The following POTEC variants were observed in gnomAD, a reference collection of about 807,000 sequenced individuals.
POTEC encodes ANKRD26-like family B member 2.
Under a neutral mutation model 62.0 loss-of-function variants are expected in POTEC, and 35 were observed. The observed-to-expected ratio is 0.56, with a 90% CI of 0.43 to 0.75. The LOEUF is 0.75. Among genes scored for constraint, POTEC ranks in the 30% least tolerant of loss-of-function variants. The probability of loss-of-function intolerance (pLI) is 0.00; values close to 1 mark genes in which losing one functional copy is unlikely to be tolerated. For missense variants in POTEC, 472 were observed against 655.9 expected, an observed-to-expected ratio of 0.72 and a Z score of 3.06; for synonymous variants, 156 against 221.5, an observed-to-expected ratio of 0.70 and a Z score of 2.62.
In POTEC at chr18:14,543,531, G is replaced by C. The variant is rs1379251981; in HGVS notation, c.-385C>G. On this transcript the variant is annotated 5_prime_UTR_variant, in exon 1 of 11. Coordinates refer to ENST00000358970, the MANE Select transcript of POTEC (RefSeq NM_001137671.2). ...GGCAAAGCGACTAACGCCAAGCCAA[G>C]CTAGGAACGCAAGGCCAAGCGAGGA... The C allele has an allele frequency of 2.7e-6, 1 of 374,534 alleles. No individual in the cohort carries two copies. The highest frequency in any genetic ancestry group is 4.9e-6 in the Non-Finnish European group (1 of 204,490). 23.2% of individuals were successfully genotyped at this position (374,534 alleles called of 1,614,324 possible). A position where few individuals can be genotyped will look rare whatever the true frequency, so the allele number is the denominator to read the frequency against.
chr18:14,521,392 G>GC (rs534651553), intron 9 of POTEC, among the ~76,000 whole-genome samples: 243 of 152,230 alleles, frequency 1.6e-3, no homozygotes, highest in African/African-American at 5.6e-3. Flanking sequence ...AACCTCATTT[G>GC]TAAAAAATGG....
Position 14,509,634 on chromosome 18 carries a change from G to C in POTEC, c.*2264C>G, listed in dbSNP as rs560784717. 1.3e-5 allele frequency: 2 copies of C among 151,984 alleles called. No individual in the cohort carries two copies. The highest frequency in any genetic ancestry group is 2.9e-5 in the Non-Finnish European group (2 of 68,048). 9.4% of individuals were successfully genotyped at this position (151,984 alleles called of 1,614,324 possible). On this transcript the variant is annotated 3_prime_UTR_variant, in exon 11 of 11. Transcript: ENST00000358970. ...CTGCAGCTCTCCACTGATCAGGCACGGTCCGCTTGTACAGAAGCTATGGTG... is the reference window on the plus strand; with the variant it reads ...CTGCAGCTCTCCACTGATCAGGCACCGTCCGCTTGTACAGAAGCTATGGTG...
In POTEC at chr18:14,530,527, T is replaced by C; in HGVS notation, c.1082A>G (p.Lys361Arg). The change falls in exon 6 of 11, where the codon AAA (lysine) becomes AGA (arginine). Residue 361 changes from lysine (K) to arginine (R), a missense_variant. Lys to Arg is a conservative substitution (Grantham distance 26, BLOSUM62 2). Around this residue, in one of 5 missense-constraint regions of POTEC, gnomAD observed 83 missense variants for 254.3 expected, o/e 0.33. Coordinates refer to ENST00000358970, the MANE Select transcript of POTEC (RefSeq NM_001137671.2). ...AGAGATTTTTAGCATCTGTTTTTCTTTATAGTCAGAAAGTAATTCACAAAT... is the reference window on the plus strand; with the variant it reads ...AGAGATTTTTAGCATCTGTTTTTCTCTATAGTCAGAAAGTAATTCACAAAT... ...HVICELLSDY[K>R]EKQMLKISSE... The C allele has an allele frequency of 1.9e-6, 3 of 1,595,006 alleles. No individual in the cohort carries two copies. The highest frequency in any genetic ancestry group is 2.6e-6 in the Non-Finnish European group (3 of 1,170,022).
chr18:14,529,153 A>C (rs1168251883), intron 6 of POTEC: 7 of 345,004 alleles, frequency 2.0e-5, no homozygotes, highest in African/African-American at 1.1e-4. Context: ...ATATATAATA[A>C]ATCATTATTA....
At chr18:14,524,161 A>T (rs923472984) in intron 7 of POTEC, among the ~76,000 whole-genome samples, 5 of 152,098 alleles carry the variant, frequency 3.3e-5, no homozygotes, top group South Asian at 2.1e-4. Context: ...AGTGGATAAA[A>T]TTTTTTTAAT....
At chr18:14,532,355 A>G (rs565492522) in intron 5 of POTEC, among the ~76,000 whole-genome samples, 2 of 152,202 alleles carry the variant, frequency 1.3e-5, no homozygotes, top group Admixed American at 6.5e-5. Flanking sequence ...CGGCCAGAGC[A>G]GGGTGCTGGT....
intron 6 of POTEC, among the ~76,000 whole-genome samples, chr18:14,527,122 T>C (rs1230648834): frequency 6.6e-6 from 1 of 152,134 alleles, no homozygotes; most frequent in Non-Finnish European, 1.5e-5. Flanking sequence ...TCACACTGTG[T>C]TTGAGTCAGC....
At chr18:14,534,181 T>G (rs954227225) in intron 4 of POTEC, among the ~76,000 whole-genome samples, 55 of 149,082 alleles carry the variant, frequency 3.7e-4, no homozygotes, top group African/African-American at 1.3e-3. Context: ...GGTGTTTGGT[T>G]TTTTGTTCTT....
chr18:14,520,984 A>G (rs1286580438), intron 9 of POTEC, among the ~76,000 whole-genome samples: 1 of 152,122 alleles, frequency 6.6e-6, no homozygotes, highest in Non-Finnish European at 1.5e-5. Context: ...AAAAATAAAT[A>G]TATATAGTCC....
intron 3 of POTEC, among the ~76,000 whole-genome samples, chr18:14,537,486 A>G (rs45571734): frequency 0.16 from 23,795 of 151,740 alleles, 2,267 homozygotes; most frequent in East Asian, 0.44. Context: ...TCCAGGGCAA[A>G]TTTTGTCATT....
At chr18:14,519,142 G>A (rs976445369) in intron 9 of POTEC, among the ~76,000 whole-genome samples, 2 of 151,978 alleles carry the variant, frequency 1.3e-5, no homozygotes, top group Non-Finnish European at 2.9e-5. Flanking sequence ...TTAGATGTGA[G>A]GTGTCAGAGA....
chr18:14,542,772 G>A lies in POTEC; in HGVS notation c.375C>T (p.Asp125=), dbSNP rs1339174252. The A allele has an allele frequency of 3.9e-5, 63 of 1,613,634 alleles. No individual in the cohort carries two copies. Among genetic ancestry groups the A allele is most frequent in the Non-Finnish European group, 5.1e-5 (60 of 1,179,874 alleles). Residue 125 remains aspartate (D), a synonymous_variant, in exon 1 of 11, where the codon GAC becomes GAT. Transcript: ENST00000358970. ...SNVGAWGDYD[D]SAFMEPRYHV... ...GGTACCTCGGCTCCATGAAGGCGCTGTCGTCGTAGTCTCCCCAAGCGCCCA... is the reference window on the plus strand; with the variant it reads ...GGTACCTCGGCTCCATGAAGGCGCTATCGTCGTAGTCTCCCCAAGCGCCCA...
In POTEC at chr18:14,530,507, T is replaced by G. The variant is rs1424908494; in HGVS notation, c.1102A>C (p.Ile368Leu). Residue 368 changes from isoleucine to leucine, a missense_variant, in exon 6 of 11, where the codon ATC (isoleucine) becomes CTC (leucine). Coordinates refer to ENST00000358970, the MANE Select transcript of POTEC (RefSeq NM_001137671.2). ...CCTGGATTGCTGTTTTCAGAAGAGA[T>G]TTTTAGCATCTGTTTTTCTTTATAG... ...SDYKEKQMLK[I>L]SSENSNPEQD... 1 of 1,595,274 alleles carries G rather than the reference T, an allele frequency of 6.3e-7. No individual in the cohort carries two copies. Among genetic ancestry groups the G allele is most frequent in the Non-Finnish European group, 8.5e-7 (1 of 1,171,200 alleles).
chr18:14,516,384 T>G (rs1196722188), intron 9 of POTEC, among the ~76,000 whole-genome samples: 1 of 106,872 alleles, frequency 9.4e-6, no homozygotes, highest in Non-Finnish European at 1.8e-5. Context: ...GCTTAATTGA[T>G]TCACAGTTAC....
chr18:14,530,363 C>T (rs1159589073), intron 6 of POTEC, 120 bp downstream of exon 6: 2 of 1,441,302 alleles, frequency 1.4e-6, no homozygotes, highest in African/African-American at 2.8e-5. Flanking sequence ...GCTGAATAAT[C>T]CTGAAACCAT....
intron 9 of POTEC, 113 bp from the exon 10 acceptor site, chr18:14,513,898 A>G: frequency 1.3e-6 from 2 of 1,558,114 alleles, no homozygotes; most frequent in Non-Finnish European, 1.7e-6. Flanking sequence ...ACATTAATCC[A>G]AGACAAGACA....
At chr18:14,520,927 A>G (rs1910291577) in intron 9 of POTEC, among the ~76,000 whole-genome samples, 1 of 152,158 alleles carries the variant, frequency 6.6e-6, no homozygotes, top group Non-Finnish European at 1.5e-5. Context: ...GTGAGCTGTG[A>G]TCACACAATT....
rs1244285617 is a variant in POTEC at position 14,537,207 on chromosome 18, ACAC to A, written c.810+591_810+593del. Among the ~76,000 whole-genome samples, 306 of 79,006 alleles carry A rather than the reference ACAC, an allele frequency of 3.9e-3. 7 individuals carry two copies. Among genetic ancestry groups the A allele is most frequent in the African/African-American group, 0.014 (188 of 13,700 alleles). The allele number at this position is 79,006 out of a possible 152,430, so 51.8% of individuals were successfully genotyped here. On this transcript the variant is annotated intron_variant, in intron 3 of 10. Transcript: ENST00000358970. ...CACACACACACACACACACACACAC[ACAC>A]AAAAAAAAAAAAAAACAAAAAAAAA...
chr18:14,516,210 T>C (rs1421186688), intron 9 of POTEC, among the ~76,000 whole-genome samples: 1 of 145,674 alleles, frequency 6.9e-6, no homozygotes, highest in Non-Finnish European at 1.5e-5. Flanking sequence ...GACACCTATA[T>C]ACATATGTTT....
Sources: gnomAD v4.1 joint callset for allele counts (sites outside exome capture counted in the v4.1 genomes callset) on GRCh38, gnomAD v4.1.1 for gene constraint, gnomAD v4.1.1 regional missense constraint, MANE v1.5 for transcripts, NCBI Gene and HGNC (gene_info 2026-07-23, HGNC 2026-07-21) for gene names.